The following RALGDS variants were observed in gnomAD, a reference collection of about 807,000 sequenced individuals.
RALGDS encodes ral guanine nucleotide exchange factor.
RALGDS carries 44 observed loss-of-function variants against 99.8 expected under a neutral mutation model. The observed-to-expected ratio is 0.44, with a 90% CI of 0.35 to 0.57. The LOEUF (loss-of-function observed/expected upper bound fraction) is 0.57, where lower values mean the gene tolerates loss of function less well. RALGDS is among the 20% of genes least tolerant of loss of function. The pLI is 0.01. For synonymous variants in RALGDS, 529 were observed against 505.0 expected, an observed-to-expected ratio of 1.05 and a Z score of -0.64; for missense variants, 1,022 against 1,203.1, an observed-to-expected ratio of 0.85 and a Z score of 2.23.
At chr9:133,133,944 G>A (rs912112368), upstream of RALGDS, among the ~76,000 whole-genome samples, 4 of 152,342 alleles carry the variant, frequency 2.6e-5, no homozygotes, top group South Asian at 8.3e-4. Flanking sequence ...TCGCGAAGCT[G>A]TTTACTCGGC....
In RALGDS at chr9:133,119,778, CAGGAGGAAA is replaced by C. The variant is rs1831819404; in HGVS notation, c.183+1185_183+1193del. Among the ~76,000 whole-genome samples, 113 of 152,058 alleles carry C rather than the reference CAGGAGGAAA, an allele frequency of 7.4e-4. 3 individuals are homozygous for C. Among genetic ancestry groups the C allele is most frequent in the Admixed American group, 7.3e-3 (112 of 15,274 alleles). On this transcript the variant is annotated intron_variant, in intron 1 of 17. Coordinates refer to ENST00000372050, the MANE Select transcript of RALGDS (RefSeq NM_006266.4). Reference sequence around the variant, plus strand: ...GTCTGGTCCGGCCATCTGCCAAGCTCAGGAGGAAAGGGTCTCTCAGGCGTGTGGTGTTCC... The same window carrying C: ...GTCTGGTCCGGCCATCTGCCAAGCTCGGGTCTCTCAGGCGTGTGGTGTTCC...
intron 1 of RALGDS, among the ~76,000 whole-genome samples, chr9:133,141,352 C>T (rs2119270869): frequency 1.3e-5 from 2 of 152,356 alleles, no homozygotes; most frequent in South Asian, 4.1e-4. Context: ...CTCGCTCCTT[C>T]CAGGCTGGAC....
At chr9:133,123,540 G>C (rs911933016), upstream of RALGDS, among the ~76,000 whole-genome samples, 4 of 152,110 alleles carry the variant, frequency 2.6e-5, no homozygotes, top group Admixed American at 6.6e-5. Flanking sequence ...GAGCCAGGGC[G>C]GGGGAGGGCG....
rs376416662 is a variant in RALGDS, at chr9:133,102,942, G to A, written c.1792-42C>T. The A allele has an allele frequency of 3.2e-5, 51 of 1,609,056 alleles. 2 individuals carry two copies. Among genetic ancestry groups the A allele is most frequent in the African/African-American group, 2.0e-4 (15 of 75,014 alleles). ...GCACAGGGCGGTGACAAGGCCCCCC[G>A]GGCAGCACAGGGGCCAGTCTCTGGG... On this transcript the variant is annotated intron_variant, in intron 12 of 17. Transcript: ENST00000372050.
intron 1 of RALGDS, among the ~76,000 whole-genome samples, chr9:133,145,061 G>T (rs1290170216): frequency 6.6e-6 from 1 of 152,362 alleles, no homozygotes; most frequent in East Asian, 1.9e-4. Context: ...GTTGGAAGAT[G>T]CAAGGAAGTA....
intron 6 of RALGDS, 70 bp downstream of exon 6, chr9:133,107,918 G>C: frequency 6.4e-7 from 1 of 1,567,146 alleles, no homozygotes; most frequent in Non-Finnish European, 8.7e-7. Flanking sequence ...ATCAGCAAAT[G>C]GTAGGTCTGG....
intron 17 of RALGDS, chr9:133,099,943 C>T: frequency 5.0e-6 from 2 of 400,222 alleles, no homozygotes; most frequent in South Asian, 4.7e-5. Flanking sequence ...TTGTAGAGCA[C>T]ATGTTTTCTT....
upstream of RALGDS, among the ~76,000 whole-genome samples, chr9:133,124,101 C>T (rs1832068394): frequency 2.0e-5 from 2 of 101,882 alleles, no homozygotes; most frequent in Admixed American, 1.1e-4. Context: ...CACAGAGATG[C>T]ACACACAGAC....
chr9:133,113,879 G>A (rs1453630012), intron 1 of RALGDS, among the ~76,000 whole-genome samples: 2 of 152,298 alleles, frequency 1.3e-5, no homozygotes, highest in South Asian at 2.1e-4. Flanking sequence ...CTGAGATCTC[G>A]TGCAGGACAA....
At chr9:133,117,547 G>C (rs866626300) in intron 1 of RALGDS, among the ~76,000 whole-genome samples, 1 of 152,252 alleles carries the variant, frequency 6.6e-6, no homozygotes, top group Non-Finnish European at 1.5e-5. Flanking sequence ...TCCCCCGCCC[G>C]TGGGCAGCCA....
upstream of RALGDS, among the ~76,000 whole-genome samples, chr9:133,123,188 G>A (rs919115861): frequency 5.3e-5 from 8 of 152,092 alleles, no homozygotes; most frequent in Non-Finnish European, 8.8e-5. Flanking sequence ...TCGGCCCTAA[G>A]CTCCTCCTCC....
At chr9:133,143,218 T>C (rs774956235) in intron 1 of RALGDS, among the ~76,000 whole-genome samples, 13 of 152,174 alleles carry the variant, frequency 8.5e-5, no homozygotes, top group Admixed American at 1.3e-4. Context: ...GTCCCCAGGC[T>C]CGCAGCCCAT....
At chr9:133,129,120 G>T in intron 1 of RALGDS, 3 of 1,578,966 alleles carry the variant, frequency 1.9e-6, no homozygotes, top group Non-Finnish European at 2.6e-6. Flanking sequence ...CAGAGGCACT[G>T]GTTGCCCTGG....
chr9:133,098,853 T>C, intron 17 of RALGDS, 91 bp from the exon 18 acceptor site: 1 of 1,335,448 alleles, frequency 7.5e-7, no homozygotes, highest in African/African-American at 1.4e-5. Flanking sequence ...AAGGACTGTC[T>C]TGAGCCACAG....
At chr9:133,099,987 A>G (rs1830679359) in intron 17 of RALGDS, 1 of 503,294 alleles carries the variant, frequency 2.0e-6, no homozygotes, top group Non-Finnish European at 3.6e-6. Flanking sequence ...CCAGTGGGCC[A>G]CGTGGCTAAC....
chr9:133,114,851 T>C (rs564622161), intron 1 of RALGDS, among the ~76,000 whole-genome samples: 3 of 152,214 alleles, frequency 2.0e-5, no homozygotes, highest in Admixed American at 1.3e-4. Flanking sequence ...GTAAACACAC[T>C]GTCTGGCCTT....
chr9:133,119,815 C>G (rs1409394657), intron 1 of RALGDS, among the ~76,000 whole-genome samples: 1 of 152,292 alleles, frequency 6.6e-6, no homozygotes. Flanking sequence ...GGTGTTCCCC[C>G]ACCAAGAGCT....
At position 133,104,267 on chromosome 9, in the gene RALGDS, T is replaced by C. The variant is rs1401025833; in HGVS notation, c.1667A>G (p.Glu556Gly). Residue 556 changes from glutamate (E) to glycine (G), a missense_variant, in exon 10 of 18, where the codon GAG becomes GGG. Physicochemically the swap from Glu to Gly is moderately conservative, Grantham distance 98. Transcript: ENST00000372050. Reference sequence around the variant, plus strand: ...CGCGGCCTTGGGCACTCTCACCGTCTCCTTCGGCCGTTTCTGGGCTCTCTT... The same window carrying C: ...CGCGGCCTTGGGCACTCTCACCGTCCCCTTCGGCCGTTTCTGGGCTCTCTT... ...NPKRAQKRPK[E>G]TGIIQGTVPY... The C allele has an allele frequency of 6.2e-7, 1 of 1,613,392 alleles. No individual in the cohort carries two copies. Among genetic ancestry groups the C allele is most frequent in the African/African-American group, 1.3e-5 (1 of 74,892 alleles).
At chr9:133,120,945 C>T in intron 1 of RALGDS, 27 bp downstream of exon 1, 6 of 1,473,252 alleles carry the variant, frequency 4.1e-6, no homozygotes, top group Non-Finnish European at 4.5e-6. Flanking sequence ...CGACGCACCC[C>T]CCGCCCGACC....
Sources: allele counts gnomAD v4.1 joint callset (sites outside exome capture counted in the v4.1 genomes callset), GRCh38; gene constraint gnomAD v4.1.1; transcripts MANE v1.5; gene names NCBI Gene and HGNC (gene_info 2026-07-23, HGNC 2026-07-21).